The following ZNF862 variants were observed in gnomAD, a reference collection of about 807,000 sequenced individuals.
The protein encoded by ZNF862 is zinc finger protein 862.
A neutral mutation model predicts 91.1 loss-of-function variants in ZNF862; 64 were observed. The observed-to-expected ratio is 0.70, with a 90% CI of 0.57 to 0.87. The LOEUF is 0.87. ZNF862 is among the 40% of genes least tolerant of loss of function. ZNF862 has a pLI of 0.00. For missense variants in ZNF862, 1,459 were observed against 1,528.0 expected (o/e 0.95, Z 0.75); for synonymous variants, 631 against 618.1 (o/e 1.02, Z -0.31).
chr7:149,852,236 A>G (rs1802088417), intron 5 of ZNF862: 1 of 151,424 alleles, frequency 6.6e-6, no homozygotes, highest in East Asian at 1.9e-4. Context: ...TTTATTTCCC[A>G]CACTTTACCC....
At chr7:149,853,045 G>A (rs1176949811) in intron 5 of ZNF862, among the ~76,000 whole-genome samples, 2 of 152,216 alleles carry the variant, frequency 1.3e-5, no homozygotes, top group Non-Finnish European at 2.9e-5. Context: ...GGGGGCAGCC[G>A]GAGCTAGAGA....
At chr7:149,847,470 T>C (rs1801907619) in intron 3 of ZNF862, among the ~76,000 whole-genome samples, 1 of 152,150 alleles carries the variant, frequency 6.6e-6, no homozygotes, top group African/African-American at 2.4e-5. Flanking sequence ...CGGTTGTATC[T>C]GTCCTTTAAA....
At chr7:149,856,604 G>A (rs1397716740) in intron 5 of ZNF862, among the ~76,000 whole-genome samples, 2 of 152,236 alleles carry the variant, frequency 1.3e-5, no homozygotes, top group South Asian at 2.1e-4. Flanking sequence ...TCCACGTGAC[G>A]GGACATCCTG....
intron 5 of ZNF862, among the ~76,000 whole-genome samples, chr7:149,853,804 G>A (rs1382423672): frequency 6.6e-6 from 1 of 152,030 alleles, no homozygotes; most frequent in Non-Finnish European, 1.5e-5. Context: ...CGAGCGTAGT[G>A]GCACACACCC....
At chr7:149,849,225 A>G (rs1801980820) in intron 4 of ZNF862, among the ~76,000 whole-genome samples, 1 of 152,012 alleles carries the variant, frequency 6.6e-6, no homozygotes. Flanking sequence ...GTGCTATTAA[A>G]CTCATCTTGT....
intron 5 of ZNF862, among the ~76,000 whole-genome samples, chr7:149,857,354 T>C (rs933580433): frequency 2.6e-5 from 4 of 152,160 alleles, no homozygotes; most frequent in African/African-American, 9.6e-5. Flanking sequence ...TTCTTGGACA[T>C]TTCCTCCATT....
At chr7:149,851,418 G>A (rs1001039730) in intron 5 of ZNF862, among the ~76,000 whole-genome samples, 1 of 152,194 alleles carries the variant, frequency 6.6e-6, no homozygotes, top group African/African-American at 2.4e-5. Flanking sequence ...GGTGACAGAG[G>A]TTTTGTTGTC....
chr7:149,845,350 C>A (rs903648954), intron 2 of ZNF862, among the ~76,000 whole-genome samples: 1 of 152,228 alleles, frequency 6.6e-6, no homozygotes, highest in African/African-American at 2.4e-5. Context: ...TGTGTGTACA[C>A]ATATGCACTG....
Position 149,844,597 on chromosome 7 carries a change from T to C in ZNF862, c.25-28T>C, listed in dbSNP as rs1801809502. 2.7e-6 allele frequency: 4 copies of C among 1,488,588 alleles called. No individual in the cohort carries two copies. The East Asian group carries it at 9.5e-5, about 36-fold the overall frequency. 92.2% of individuals were successfully genotyped at this position (1,488,588 alleles called of 1,614,324 possible). On this transcript the variant is annotated intron_variant, in intron 1 of 7. Transcript: ENST00000223210. The stretch of plus-strand genomic sequence containing the variant: ...AAGATAAATCTAAGGAAGAGAGTGG[T>C]ACTTAGCAGCTGTCATTTTCCTTTC...
chr7:149,859,498 G>A lies in ZNF862; in HGVS notation c.1194G>A (p.Gly398=), dbSNP rs185623481. ...RAAPWIKDPN[G]PKWGKGRPPG... ...CACCCTGGATCAAGGACCCAAATGG[G>A]CCAAAGTGGGGGAAAGGTCGTCCTC... is the stretch of plus-strand genomic sequence containing the variant. The change falls in exon 6 of 8, where the codon GGG becomes GGA. Residue 398 remains glycine (G), a synonymous_variant. Transcript: ENST00000223210. The A allele has an allele frequency of 4.2e-4, 670 of 1,583,094 alleles. 7 individuals are homozygous for A. In the East Asian group the frequency reaches 0.014, roughly 34 times the overall value.
rs1322352392 is a variant in ZNF862 at position 149,850,264 on chromosome 7, G to A, written c.1043G>A (p.Gly348Asp). 1 of 1,613,642 alleles carries A rather than the reference G, an allele frequency of 6.2e-7. No homozygotes were observed. The highest frequency in any genetic ancestry group is 1.7e-5 in the Admixed American group (1 of 59,954). Residue 348 changes from glycine to aspartate, a missense_variant, in exon 5 of 8, where the codon GGC (glycine) becomes GAC (aspartate). Coordinates refer to ENST00000223210, the MANE Select transcript of ZNF862 (RefSeq NM_001099220.3). The surrounding 1 kb of genome is among the most constrained non-coding windows in gnomAD (Gnocchi z 4.2). ...GTGTATTTCACCCGGGAGGAGTGGG[G>A]CATGCTAGACAAGCGGCAGAAGGAG... ...VAVYFTREEW[G>D]MLDKRQKELY...
chr7:149,863,354 C>T (rs111689102), intron 7 of ZNF862, among the ~76,000 whole-genome samples: 7 of 144,326 alleles, frequency 4.9e-5, no homozygotes, highest in East Asian at 1.9e-4. Context: ...TCTCTCTCCT[C>T]GCGTCTCTAG....
Position 149,848,384 on chromosome 7 carries a change from C to G in ZNF862, c.891C>G (p.Ser297=). The change falls in exon 4 of 8, where the codon TCC becomes TCG. Residue 297 remains serine (S), a synonymous_variant. Coordinates refer to ENST00000223210, the MANE Select transcript of ZNF862 (RefSeq NM_001099220.3). The part of the protein sequence containing the change: ...QKEITDGIHS[S]SDINILYNDA... Reference sequence around the variant, plus strand: ...AAATCACTGATGGCATCCACAGCTCCTCAGACATTAATATTTTATATAATG... The same window carrying G: ...AAATCACTGATGGCATCCACAGCTCGTCAGACATTAATATTTTATATAATG... 2 of 1,594,604 alleles carry G rather than the reference C, an allele frequency of 1.3e-6. No individual in the cohort carries two copies. The highest frequency in any genetic ancestry group is 1.7e-6 in the Non-Finnish European group (2 of 1,170,174).
intron 5 of ZNF862, among the ~76,000 whole-genome samples, chr7:149,851,082 T>C (rs1305480060): frequency 2.6e-5 from 4 of 152,250 alleles, no homozygotes; most frequent in African/African-American, 7.2e-5. Flanking sequence ...AAGGTTCTTA[T>C]GAAGCATCAA....
intron 1 of ZNF862, chr7:149,841,556 A>G (rs1214302675): frequency 3.0e-6 from 3 of 985,334 alleles, no homozygotes; most frequent in Non-Finnish European, 3.6e-6. Context: ...ATAGGGTCTC[A>G]GGAAGGAATG....
intron 5 of ZNF862, among the ~76,000 whole-genome samples, chr7:149,853,659 C>T (rs117833655): frequency 0.011 from 1,697 of 152,208 alleles, 34 homozygotes; most frequent in East Asian, 0.1. Flanking sequence ...ATATTTCTGC[C>T]GGGTGCGGTG....
intron 5 of ZNF862, among the ~76,000 whole-genome samples, chr7:149,856,614 G>A (rs1802273568): frequency 6.6e-6 from 1 of 152,192 alleles, no homozygotes; most frequent in Non-Finnish European, 1.5e-5. Context: ...GGGACATCCT[G>A]TGATCTCTCC....
At chr7:149,841,206 T>G in intron 1 of ZNF862, 1 of 985,436 alleles carries the variant, frequency 1.0e-6, no homozygotes, top group Non-Finnish European at 1.2e-6. Context: ...CGAACAGCAT[T>G]CTTATGGCTC....
At chr7:149,854,970 G>A (rs73168074) in intron 5 of ZNF862, among the ~76,000 whole-genome samples, 46 of 152,342 alleles carry the variant, frequency 3.0e-4, no homozygotes, top group Non-Finnish European at 5.0e-4. Context: ...CCTGTTCAGA[G>A]TCCCCTAACC....
Sources: allele counts gnomAD v4.1 joint callset (sites outside exome capture counted in the v4.1 genomes callset), GRCh38; gene constraint gnomAD v4.1.1; non-coding constraint Gnocchi (gnomAD v3.1); transcripts MANE v1.5; gene names NCBI Gene and HGNC (gene_info 2026-07-23, HGNC 2026-07-21).